ATG16L1: variants seen among roughly 807,000 people sequenced by gnomAD.
The protein encoded by ATG16L1 is autophagy-related protein 16-1.
ATG16L1 carries 37 observed loss-of-function variants against 88.5 expected under a neutral mutation model. That is an observed-to-expected ratio of 0.42 (90% CI 0.32 to 0.55). The LOEUF is 0.55. ATG16L1 is among the 20% of genes least tolerant of loss of function. The pLI is 0.13. For missense variants in ATG16L1, 554 were observed against 752.8 expected (o/e 0.74, Z 3.09); for synonymous variants, 301 against 281.0 (o/e 1.07, Z -0.71).
intron 1 of ATG16L1, among the ~76,000 whole-genome samples, chr2:233,252,881 G>A (rs1227155546): frequency 6.6e-6 from 1 of 152,146 alleles, no homozygotes; most frequent in East Asian, 1.9e-4. Context: ...TAAACCTGAC[G>A]ACTTTCTCAA....
chr2:233,289,876 G>C lies in ATG16L1; in HGVS notation c.1226G>C (p.Gly409Ala). ...TAGCACACACTCACGGGACACAGTG[G>C]GAAAGTGCTGTCTGCTAAGTTCCTG... is the stretch of plus-strand genomic sequence containing the variant. ...RLRHTLTGHS[G>A]KVLSAKFLLD... is the part of the protein sequence containing the mutation. The change falls in exon 13 of 18, where the codon GGG becomes GCG. Residue 409 changes from glycine to alanine, a missense_variant. Physicochemically the swap from Gly to Ala is moderately conservative, Grantham distance 60. Coordinates refer to ENST00000392017, the MANE Select transcript of ATG16L1 (RefSeq NM_030803.7). 6.2e-7 allele frequency: 1 copy of C among 1,614,162 alleles called. No homozygotes were observed. Among genetic ancestry groups the C allele is most frequent in the South Asian group, 1.1e-5 (1 of 91,078 alleles).
intron 1 of ATG16L1, among the ~76,000 whole-genome samples, chr2:233,253,573 T>C (rs544646976): frequency 2.0e-5 from 3 of 152,118 alleles, no homozygotes; most frequent in Non-Finnish European, 4.4e-5. Flanking sequence ...CTTGAACTTC[T>C]GACCTCAGGT....
chr2:233,278,399 C>G (rs1186057372), intron 10 of ATG16L1, among the ~76,000 whole-genome samples: 1 of 152,176 alleles, frequency 6.6e-6, no homozygotes, highest in Non-Finnish European at 1.5e-5. Context: ...TAACGGGAAC[C>G]ACTTTGCCAA....
In ATG16L1 at chr2:233,264,066, G is replaced by C; in HGVS notation, c.389+1G>C. The C allele has an allele frequency of 6.2e-7, 1 of 1,614,028 alleles. No individual in the cohort carries two copies. Among genetic ancestry groups the C allele is most frequent in the Non-Finnish European group, 8.5e-7 (1 of 1,179,900 alleles). On this transcript the variant is annotated splice_donor_variant, in intron 4 of 17. Coordinates refer to ENST00000392017, the MANE Select transcript of ATG16L1 (RefSeq NM_030803.7). LOFTEE classifies it high-confidence loss of function. ...GGGAGATGCAGATGAATGAAGCAAAGTGAGTAGAGACCCCGCCTCCTTGGA... is the reference window on the plus strand; with the variant it reads ...GGGAGATGCAGATGAATGAAGCAAACTGAGTAGAGACCCCGCCTCCTTGGA...
intron 4 of ATG16L1, among the ~76,000 whole-genome samples, chr2:233,264,536 AT>A (rs1167667602): frequency 6.6e-6 from 1 of 152,158 alleles, no homozygotes; most frequent in African/African-American, 2.4e-5. Context: ...GGTTTCCTTA[AT>A]ATGTGGAAAG....
rs1029142505 is a variant in ATG16L1 at position 233,294,272 on chromosome 2, G to A, written c.1746G>A (p.Ala582=). The A allele has an allele frequency of 3.2e-5, 51 of 1,607,644 alleles. 1 individual carries two copies. The highest frequency in any genetic ancestry group is 1.3e-4 in the East Asian group (6 of 44,638). ...TCCTTTGAAGCTCATCCATCAATGCGGTGGCGTGGTCGCCCTCTGGCTCGC... is the reference window on the plus strand; with the variant it reads ...TCCTTTGAAGCTCATCCATCAATGCAGTGGCGTGGTCGCCCTCTGGCTCGC... ...LSKQHSSSIN[A]VAWSPSGSHV... is the part of the protein sequence containing the mutation. Residue 582 remains alanine (A), a synonymous_variant, in exon 18 of 18, where the codon GCG becomes GCA. Coordinates refer to ENST00000392017, the MANE Select transcript of ATG16L1 (RefSeq NM_030803.7).
At position 233,292,772 on chromosome 2, in the gene ATG16L1, G is replaced by A. The variant is rs78876035; in HGVS notation, c.1628+338G>A. 3.6e-3 allele frequency among the ~76,000 whole-genome samples: 553 copies of A among 152,330 alleles called. 1 individual carries two copies. The highest frequency in any genetic ancestry group is 4.8e-3 in the Non-Finnish European group (328 of 68,034). On this transcript the variant is annotated intron_variant, in intron 16 of 17. Transcript: ENST00000392017. Reference sequence around the variant, plus strand: ...GCAGGAGTGGCCGTGGGCCTGGGGCGGGACTGAAAAGGCTTTTTGGAGAAG... The same window carrying A: ...GCAGGAGTGGCCGTGGGCCTGGGGCAGGACTGAAAAGGCTTTTTGGAGAAG...
intron 7 of ATG16L1, chr2:233,273,351 C>T: frequency 6.1e-6 from 3 of 490,310 alleles, no homozygotes; most frequent in Non-Finnish European, 7.2e-6. Flanking sequence ...TTTGATCATC[C>T]TGTTTCATTC....
At position 233,282,882 on chromosome 2, in the gene ATG16L1, C is replaced by T. The variant is rs1012699052; in HGVS notation, c.1203+129C>T. 4 of 743,748 alleles carry T rather than the reference C, an allele frequency of 5.4e-6. No individual in the cohort carries two copies. The African/African-American group carries it at 7.1e-5, about 13-fold the overall frequency. The allele number at this position is 743,748 out of a possible 1,614,324, so 46.1% of individuals were successfully genotyped here. On this transcript the variant is annotated intron_variant, in intron 12 of 17. Transcript: ENST00000392017. ...ATCATGCTTGATTCACCCTGCCCTT[C>T]CTTTCCTCCTTGGGGAAATCTGTGT...
At chr2:233,273,246 C>G (rs1698112392) in intron 7 of ATG16L1, 194 bp downstream of exon 7, 1 of 572,078 alleles carries the variant, frequency 1.7e-6, no homozygotes, top group South Asian at 2.3e-5. Context: ...GGAAGCAGAA[C>G]ACGGGTGGCT....
At position 233,295,485 on chromosome 2, in the gene ATG16L1, T is replaced by C. The variant is rs1699740852; in HGVS notation, c.*1135T>C. On this transcript the variant is annotated 3_prime_UTR_variant, in exon 18 of 18. Coordinates refer to ENST00000392017, the MANE Select transcript of ATG16L1 (RefSeq NM_030803.7). Reference sequence around the variant, plus strand: ...AGTCAGGTGGCCTTCCCACCGATGGTCCTGGCCTCCACCTGCCCTCTCTTC... The same window carrying C: ...AGTCAGGTGGCCTTCCCACCGATGGCCCTGGCCTCCACCTGCCCTCTCTTC... The C allele has an allele frequency of 1.3e-5, 2 of 152,782 alleles. No homozygotes were observed. Among genetic ancestry groups the C allele is most frequent in the Admixed American group, 1.3e-4 (2 of 15,266 alleles). 9.5% of individuals were successfully genotyped at this position (152,782 alleles called of 1,614,324 possible). A position where few individuals can be genotyped will look rare whatever the true frequency, so the allele number is the denominator to read the frequency against.
chr2:233,263,961 A>G lies in ATG16L1; in HGVS notation c.316-31A>G, dbSNP rs1313543327. 5 of 1,609,190 alleles carry G rather than the reference A, an allele frequency of 3.1e-6. No homozygotes were observed. In the South Asian group the frequency reaches 3.3e-5, roughly 11 times the overall value. On this transcript the variant is annotated intron_variant, in intron 3 of 17. Transcript: ENST00000392017. Reference sequence around the variant, plus strand: ...TTCCAAATGAGGTCCTAAAATTTTTATTTATGAAAGTATTCTTCTTTATCT... The same window carrying G: ...TTCCAAATGAGGTCCTAAAATTTTTGTTTATGAAAGTATTCTTCTTTATCT...
At chr2:233,282,884 T>A (rs2278610) in intron 12 of ATG16L1, 131 bp downstream of exon 12, 48,943 of 741,190 alleles carry the variant, frequency 0.066, 2,206 homozygotes, top group South Asian at 0.16. Context: ...CTGCCCTTCC[T>A]TTCCTCCTTG....
rs765866639 is a variant in ATG16L1, at chr2:233,294,481, A to G, written c.*131A>G. ...CCCAGAGAAGCTCAAGCTATGTGGCACTGTAGCTTTGCCGTGAATGGGATT... is the reference window on the plus strand; with the variant it reads ...CCCAGAGAAGCTCAAGCTATGTGGCGCTGTAGCTTTGCCGTGAATGGGATT... On this transcript the variant is annotated 3_prime_UTR_variant, in exon 18 of 18. Coordinates refer to ENST00000392017, the MANE Select transcript of ATG16L1 (RefSeq NM_030803.7). 3 of 605,238 alleles carry G rather than the reference A, an allele frequency of 5.0e-6. No individual in the cohort carries two copies. Among genetic ancestry groups the G allele is most frequent in the East Asian group, 3.1e-5 (1 of 32,150 alleles). 37.5% of individuals were successfully genotyped at this position (605,238 alleles called of 1,614,324 possible).
intron 10 of ATG16L1, among the ~76,000 whole-genome samples, chr2:233,278,188 G>A (rs1698499701): frequency 6.6e-6 from 1 of 152,218 alleles, no homozygotes. Flanking sequence ...ATCAGACGAG[G>A]GCCCTTAGAT....
At chr2:233,273,921 TCTTC>T (rs1698159946) in intron 8 of ATG16L1, 144 bp downstream of exon 8, 3 of 1,525,312 alleles carry the variant, frequency 2.0e-6, no homozygotes, top group East Asian at 2.4e-5. Context: ...TCATTTAGCT[TCTTC>T]CTTTTTTCCT....
At chr2:233,270,309 CAG>C (rs2125240729) in intron 6 of ATG16L1, among the ~76,000 whole-genome samples, 1 of 152,218 alleles carries the variant, frequency 6.6e-6, no homozygotes, top group East Asian at 1.9e-4. Context: ...TTCCACCACT[CAG>C]AACTAACATC....
chr2:233,285,778 A>G (rs2125282957), intron 12 of ATG16L1, among the ~76,000 whole-genome samples: 1 of 152,292 alleles, frequency 6.6e-6, no homozygotes, highest in South Asian at 2.1e-4. Flanking sequence ...ACAGGAATCC[A>G]TTCATCTATG....
chr2:233,293,900 C>G (rs1048673204), intron 17 of ATG16L1, among the ~76,000 whole-genome samples: 5 of 152,348 alleles, frequency 3.3e-5, no homozygotes, highest in Admixed American at 2.6e-4. Context: ...GCAGCAGCAA[C>G]TGCTCCCAGA....
Sources: gnomAD v4.1 joint callset for allele counts (sites outside exome capture counted in the v4.1 genomes callset) on GRCh38, gnomAD v4.1.1 for gene constraint, MANE v1.5 for transcripts, NCBI Gene and HGNC (gene_info 2026-07-23, HGNC 2026-07-21) for gene names.